The following ADTRP variants were observed in gnomAD, a reference collection of about 807,000 sequenced individuals.
The protein encoded by ADTRP is androgen-dependent TFPI-regulating protein.
A neutral mutation model predicts 27.0 loss-of-function variants in ADTRP; 20 were observed. The observed-to-expected ratio is 0.74, with a 90% CI of 0.52 to 1.08. The LOEUF is 1.08. Among genes scored for constraint, ADTRP ranks in the 50% least tolerant of loss-of-function variants. The pLI is 0.00. For synonymous variants in ADTRP, 101 were observed against 105.2 expected, an observed-to-expected ratio of 0.96 and a Z score of 0.25; for missense variants, 251 against 275.0, an observed-to-expected ratio of 0.91 and a Z score of 0.62.
intron 1 of ADTRP, chr6:11,769,923 G>T: frequency 8.3e-7 from 1 of 1,205,886 alleles, no homozygotes; most frequent in Non-Finnish European, 1.2e-6. Flanking sequence ...TCATTACTTG[G>T]TATGTGCCAG....
At chr6:11,758,595 C>T (rs1763298487) in intron 3 of ADTRP, among the ~76,000 whole-genome samples, 1 of 125,918 alleles carries the variant, frequency 7.9e-6, no homozygotes, top group Admixed American at 9.0e-5. Flanking sequence ...GGACGGATAG[C>T]ATTAGGAGGT....
intron 3 of ADTRP, among the ~76,000 whole-genome samples, chr6:11,745,950 C>T (rs978332115): frequency 1.2e-4 from 18 of 152,128 alleles, no homozygotes; most frequent in Admixed American, 1.1e-3. Flanking sequence ...GCCATTGCAC[C>T]TGGCTAATTC....
At chr6:11,764,818 C>T (rs766282334) in intron 3 of ADTRP, among the ~76,000 whole-genome samples, 27 of 146,542 alleles carry the variant, frequency 1.8e-4, no homozygotes, top group Non-Finnish European at 3.3e-4. Flanking sequence ...TATAGTAGTT[C>T]TCTAAAGAAG....
intron 1 of ADTRP, among the ~76,000 whole-genome samples, chr6:11,775,545 C>G (rs530673000): frequency 2.4e-4 from 36 of 152,046 alleles, no homozygotes; most frequent in Non-Finnish European, 4.6e-4. Context: ...ATCAGTGGCC[C>G]CTTCACTGAG....
chr6:11,714,668 C>T (rs1761755799), intron 5 of ADTRP, among the ~76,000 whole-genome samples, 156 bp from the exon 6 acceptor site: 1 of 151,630 alleles, frequency 6.6e-6, no homozygotes, highest in Non-Finnish European at 1.5e-5. Flanking sequence ...TATGAAAAAA[C>T]AGCTGCCACG....
chr6:11,754,558 CCAGGAAATGCTCTG>C (rs1261240705), intron 3 of ADTRP, among the ~76,000 whole-genome samples: 1 of 152,126 alleles, frequency 6.6e-6, no homozygotes, highest in African/African-American at 2.4e-5. Context: ...AAGAGGACTA[CCAGGAAATGCTCTG>C]CAGAATTATT....
chr6:11,762,647 C>G (rs1763430010), intron 3 of ADTRP, among the ~76,000 whole-genome samples: 1 of 152,200 alleles, frequency 6.6e-6, no homozygotes, highest in Non-Finnish European at 1.5e-5. Context: ...GCTAGTGGAT[C>G]TTGGCTGGGA....
intron 3 of ADTRP, among the ~76,000 whole-genome samples, chr6:11,765,724 G>A (rs935135180): frequency 4.0e-5 from 6 of 151,894 alleles, no homozygotes; most frequent in Non-Finnish European, 7.4e-5. Context: ...AGGTTCCAGT[G>A]ACCTAAAAAT....
intron 3 of ADTRP, among the ~76,000 whole-genome samples, chr6:11,763,470 T>G (rs1410087834): frequency 1.4e-5 from 2 of 148,010 alleles, no homozygotes; most frequent in Non-Finnish European, 2.9e-5. Context: ...AGGCAATTGT[T>G]CTTCTACTGT....
intron 5 of ADTRP, among the ~76,000 whole-genome samples, chr6:11,723,016 G>C (rs970470235): frequency 6.6e-6 from 1 of 152,162 alleles, no homozygotes; most frequent in Non-Finnish European, 1.5e-5. Context: ...GGAGACCCCT[G>C]ATTTTATTTA....
chr6:11,753,477 T>G (rs1161265854), intron 3 of ADTRP, among the ~76,000 whole-genome samples: 2 of 152,208 alleles, frequency 1.3e-5, no homozygotes, highest in African/African-American at 4.8e-5. Flanking sequence ...TGTCAAATAT[T>G]CAACAAATAT....
At chr6:11,737,090 GGTTATA>G (rs1378741298) in intron 3 of ADTRP, among the ~76,000 whole-genome samples, 2 of 134,108 alleles carry the variant, frequency 1.5e-5, no homozygotes, top group African/African-American at 5.5e-5. Flanking sequence ...TCCCATCTTG[GGTTATA>G]GAAGCTGACC....
intron 3 of ADTRP, among the ~76,000 whole-genome samples, chr6:11,755,919 T>G (rs1021824632): frequency 6.6e-6 from 1 of 152,214 alleles, no homozygotes; most frequent in Non-Finnish European, 1.5e-5. Flanking sequence ...TGGGATGCCA[T>G]GGAGACATTC....
intron 1 of ADTRP, 56 bp downstream of exon 1, chr6:11,778,550 GC>G: frequency 2.6e-6 from 4 of 1,550,552 alleles, no homozygotes; most frequent in Non-Finnish European, 3.5e-6. Flanking sequence ...GATATGTGTG[GC>G]AGCACTGATA....
At chr6:11,768,460 C>T (rs1561774100) in intron 1 of ADTRP, 77 bp from the exon 2 acceptor site, 1 of 1,549,806 alleles carries the variant, frequency 6.5e-7, no homozygotes, top group East Asian at 2.2e-5. Context: ...AAACTCCATC[C>T]CTCTGAGAGT....
intron 4 of ADTRP, 76 bp from the exon 5 acceptor site, chr6:11,723,576 G>A: frequency 6.5e-7 from 1 of 1,529,056 alleles, no homozygotes; most frequent in Non-Finnish European, 8.9e-7. Context: ...GATTAATGAG[G>A]TACTGGTACC....
At chr6:11,762,193 C>CCATCT (rs1763410733) in intron 3 of ADTRP, among the ~76,000 whole-genome samples, 1 of 152,214 alleles carries the variant, frequency 6.6e-6, no homozygotes, top group South Asian at 2.1e-4. Context: ...AAAGGCCATC[C>CCATCT]AGGCCAACTA....
At position 11,766,280 on chromosome 6, in the gene ADTRP, A is replaced by C; in HGVS notation, c.384T>G (p.His128Gln). Residue 128 changes from histidine to glutamine, a missense_variant, in exon 3 of 6, where the codon CAT becomes CAG. Physicochemically the swap from His to Gln is conservative, Grantham distance 24. Coordinates refer to ENST00000414691, the MANE Select transcript of ADTRP (RefSeq NM_032744.4). ...LDTVIPVWLN[H>Q]AMHTFIFPIT... ...GAATTTTCCCCTCACTCACCATTGC[A>C]TGATTCAGCCACACGGGGATGACAG... The C allele has an allele frequency of 6.2e-7, 1 of 1,609,956 alleles. No homozygotes were observed. The highest frequency in any genetic ancestry group is 1.7e-5 in the Admixed American group (1 of 59,628).
chr6:11,768,802 T>C (rs938490404), intron 1 of ADTRP, among the ~76,000 whole-genome samples: 2 of 151,266 alleles, frequency 1.3e-5, no homozygotes, highest in Non-Finnish European at 1.5e-5. Flanking sequence ...TTAGGAAAAA[T>C]GCCTAGTGCT....
Sources: gnomAD v4.1 joint callset for allele counts (sites outside exome capture counted in the v4.1 genomes callset) on GRCh38, gnomAD v4.1.1 for gene constraint, MANE v1.5 for transcripts, NCBI Gene and HGNC (gene_info 2026-07-23, HGNC 2026-07-21) for gene names.